Variants in FCRL4 observed in about 807,000 individuals in gnomAD.
FCRL4 encodes Fc receptor-like protein 4.
FCRL4 carries 43 observed loss-of-function variants against 64.1 expected under a neutral mutation model. That is an observed-to-expected ratio of 0.67 (90% confidence interval 0.53 to 0.87). The LOEUF (loss-of-function observed/expected upper bound fraction) is 0.87. FCRL4 is among the 40% of genes least tolerant of loss of function. The pLI is 0.00. For missense variants in FCRL4, 656 were observed against 613.5 expected (o/e 1.07, Z -0.73); for synonymous variants, 253 against 239.8 (o/e 1.05, Z -0.51).
intron 5 of FCRL4, among the ~76,000 whole-genome samples, chr1:157,586,957 A>G (rs1652714276): frequency 6.6e-6 from 1 of 152,232 alleles, no homozygotes; most frequent in African/African-American, 2.4e-5. Flanking sequence ...CTTAAGATCT[A>G]GCCATTCTAG....
chr1:157,597,892 AG>A, intron 1 of FCRL4, 21 bp downstream of exon 1: 1 of 1,609,778 alleles, frequency 6.2e-7, no homozygotes, highest in Non-Finnish European at 8.5e-7. Context: ...CAGCAAGCAA[AG>A]GTCTCCTCCC....
In FCRL4 at chr1:157,575,802, C is replaced by T. The variant is rs534661708; in HGVS notation, c.1430-72G>A. 22 of 1,488,228 alleles carry T rather than the reference C, an allele frequency of 1.5e-5. No individual in the cohort carries two copies. In the East Asian group the frequency reaches 4.5e-4, roughly 31 times the overall value. The allele number at this position is 1,488,228 out of a possible 1,614,324, so 92.2% of individuals were successfully genotyped here. On this transcript the variant is annotated intron_variant, in intron 10 of 11. Transcript: ENST00000271532. ...TTAGAACTCAGTCTGTTAGCTGATG[C>T]CCTAGAGTCTGAGAGCCACTGGGCC...
At chr1:157,589,568 C>T in intron 2 of FCRL4, 110 bp from the exon 3 acceptor site, 3 of 1,359,730 alleles carry the variant, frequency 2.2e-6, no homozygotes, top group Admixed American at 4.3e-5. Flanking sequence ...CTAAGATGCC[C>T]CCGGATGACT....
chr1:157,595,577 G>A (rs1192121733), intron 2 of FCRL4, among the ~76,000 whole-genome samples: 1 of 152,216 alleles, frequency 6.6e-6, no homozygotes, highest in African/African-American at 2.4e-5. Flanking sequence ...GGCACTTTTT[G>A]TATTTCATTT....
intron 6 of FCRL4, among the ~76,000 whole-genome samples, 159 bp downstream of exon 6, chr1:157,586,009 G>A (rs1247814156): frequency 6.6e-6 from 1 of 152,194 alleles, no homozygotes; most frequent in East Asian, 1.9e-4. Context: ...TGACCTGAGT[G>A]AGTTATTACT....
At position 157,588,031 on chromosome 1, in the gene FCRL4, A is replaced by C; in HGVS notation, c.396T>G (p.Thr132=). 1 of 1,613,474 alleles carries C rather than the reference A, an allele frequency of 6.2e-7. No individual in the cohort carries two copies. The highest frequency in any genetic ancestry group is 1.7e-5 in the Admixed American group (1 of 59,972). Residue 132 remains threonine (T), a synonymous_variant, in exon 4 of 12, where the codon ACT becomes ACG. Transcript: ENST00000271532. ...TTCCATTCCAAGTATATTTCACAGC[A>C]GTCAATTTCTCTTTCCTTCTTCTGT... ...RCHRRRKEKL[T]AVKYTWNGNI...
At position 157,574,300 on chromosome 1, in the gene FCRL4, T is replaced by C. The variant is rs1652354123; in HGVS notation, c.*1224A>G. 9.2e-6 allele frequency: 2 copies of C among 216,298 alleles called. No individual in the cohort carries two copies. Among genetic ancestry groups the C allele is most frequent in the Non-Finnish European group, 1.9e-5 (2 of 107,328 alleles). 13.4% of individuals were successfully genotyped at this position (216,298 alleles called of 1,614,324 possible). ...TGTTTTGCTGGTTGCAATCCCATAA[T>C]GTTATTTAAACAAATTCCTTTTCTC... On this transcript the variant is annotated 3_prime_UTR_variant, in exon 12 of 12. Coordinates refer to ENST00000271532, the MANE Select transcript of FCRL4 (RefSeq NM_031282.3).
At chr1:157,576,972 C>T (rs849825) in intron 10 of FCRL4, among the ~76,000 whole-genome samples, 68,772 of 151,930 alleles carry the variant, frequency 0.45, 17,889 homozygotes, top group African/African-American at 0.73. Context: ...ACTAAAATTC[C>T]TAGATTTTAA....
chr1:157,574,722 TTA>T lies in FCRL4; in HGVS notation c.*800_*801del, dbSNP rs1467382633. ...TTCAGTGAACAGACGTAGGAAATAT[TTA>T]TCTTTTTTTAAAGGCAGAGTTTATT... On this transcript the variant is annotated 3_prime_UTR_variant, in exon 12 of 12. Coordinates refer to ENST00000271532, the MANE Select transcript of FCRL4 (RefSeq NM_031282.3). 9.5e-6 allele frequency: 2 copies of T among 210,380 alleles called. No homozygotes were observed. Among genetic ancestry groups the T allele is most frequent in the African/African-American group, 4.5e-5 (2 of 44,202 alleles). The allele number at this position is 210,380 out of a possible 1,614,324, so 13.0% of individuals were successfully genotyped here. A position where few individuals can be genotyped will look rare whatever the true frequency, so the allele number is the denominator to read the frequency against.
chr1:157,576,716 C>T (rs1228947559), intron 10 of FCRL4, among the ~76,000 whole-genome samples: 1 of 152,202 alleles, frequency 6.6e-6, no homozygotes, highest in Non-Finnish European at 1.5e-5. Context: ...CATTCTAATG[C>T]TGCCATTCAA....
intron 2 of FCRL4, among the ~76,000 whole-genome samples, chr1:157,592,931 T>C (rs544120798): frequency 2.0e-5 from 3 of 152,334 alleles, no homozygotes; most frequent in African/African-American, 7.2e-5. Context: ...TTCATGTCCT[T>C]TGTAGGGACA....
intron 4 of FCRL4, 34 bp from the exon 5 acceptor site, chr1:157,587,594 G>T: frequency 1.2e-6 from 2 of 1,601,458 alleles, no homozygotes; most frequent in Non-Finnish European, 1.7e-6. Flanking sequence ...TTCTGAGCAC[G>T]AGAGTATTTA....
At chr1:157,585,356 T>C (rs778744899) in intron 6 of FCRL4, among the ~76,000 whole-genome samples, 27 of 66,288 alleles carry the variant, frequency 4.1e-4, no homozygotes, top group African/African-American at 1.5e-3. Flanking sequence ...CTTTCTTTCT[T>C]TCTTTCTTTC....
At chr1:157,585,947 C>T (rs1307351123) in intron 6 of FCRL4, among the ~76,000 whole-genome samples, 1 of 152,084 alleles carries the variant, frequency 6.6e-6, no homozygotes, top group African/African-American at 2.4e-5. Flanking sequence ...AAATCACCTC[C>T]AAAAAGCAAA....
intron 2 of FCRL4, among the ~76,000 whole-genome samples, chr1:157,590,454 T>G (rs1474593935): frequency 6.6e-6 from 1 of 152,134 alleles, no homozygotes; most frequent in African/African-American, 2.4e-5. Context: ...TGAGCCATTT[T>G]TTTTCTTTGT....
intron 6 of FCRL4, among the ~76,000 whole-genome samples, chr1:157,585,099 C>T (rs1652643023): frequency 6.6e-6 from 1 of 152,036 alleles, no homozygotes; most frequent in Non-Finnish European, 1.5e-5. Context: ...TGAGGCAAGC[C>T]TGGTGGTGAT....
In FCRL4 at chr1:157,589,382, A is replaced by G; in HGVS notation, c.129T>C (p.Thr43=). The G allele has an allele frequency of 1.2e-6, 2 of 1,614,172 alleles. No homozygotes were observed. The highest frequency in any genetic ancestry group is 1.7e-6 in the Non-Finnish European group (2 of 1,180,030). ...TFFKGERVTL[T]CNGFQFYATE... ...TTGCATAGAACTGAAATCCATTGCA[A>G]GTCAGAGTCACTCTCTCTCCTTTGA... Residue 43 remains threonine, a synonymous_variant, in exon 3 of 12, where the codon ACT becomes ACC. Transcript: ENST00000271532.
rs369502253 is a variant in FCRL4 at position 157,586,290 on chromosome 1, C to T, written c.1013G>A (p.Arg338His). ...GAGCTCCAGCTCTGCTCTCAGGGAA[C>T]GCTGAGTTTTCCTCCCCAGACTCTC... is the stretch of plus-strand genomic sequence containing the variant. ...MQESLGRKTQ[R>H]SLRAELELPA... Residue 338 changes from arginine (R) to histidine (H), a missense_variant, in exon 6 of 12, where the codon CGT becomes CAT. Transcript: ENST00000271532. 46 of 1,614,016 alleles carry T rather than the reference C, an allele frequency of 2.9e-5. No homozygotes were observed. Among genetic ancestry groups the T allele is most frequent in the East Asian group, 1.1e-4 (5 of 44,864 alleles).
In FCRL4 at chr1:157,587,949, T is replaced by C; in HGVS notation, c.478A>G (p.Asn160Asp). ...WDLLIPQASS[N>D]NNGNYRCIGY... ...ATGCATCGATAATTGCCATTGTTATTTGAACTTGCTTGTGGGATAAGAAGA... is the reference window on the plus strand; with the variant it reads ...ATGCATCGATAATTGCCATTGTTATCTGAACTTGCTTGTGGGATAAGAAGA... Residue 160 changes from asparagine (N) to aspartate (D), a missense_variant, in exon 4 of 12, where the codon AAT becomes GAT. Asn to Asp is a conservative substitution (Grantham distance 23). Coordinates refer to ENST00000271532, the MANE Select transcript of FCRL4 (RefSeq NM_031282.3). 1 of 1,613,118 alleles carries C rather than the reference T, an allele frequency of 6.2e-7. No homozygotes were observed. The highest frequency in any genetic ancestry group is 8.5e-7 in the Non-Finnish European group (1 of 1,179,426).
Sources: allele counts gnomAD v4.1 joint callset (sites outside exome capture counted in the v4.1 genomes callset), GRCh38; gene constraint gnomAD v4.1.1; transcripts MANE v1.5; gene names NCBI Gene and HGNC (gene_info 2026-07-23, HGNC 2026-07-21).